Variants in PLCB1 observed in about 807,000 individuals in gnomAD.
PLCB1 encodes the protein 1-phosphatidylinositol 4,5-bisphosphate phosphodiesterase beta-1.
Under a neutral mutation model 161.8 loss-of-function variants are expected in PLCB1, and 46 were observed. That is an observed-to-expected ratio of 0.28 (90% confidence interval 0.22 to 0.36). The LOEUF is 0.36. Among genes scored for constraint, PLCB1 ranks in the 10% least tolerant of loss-of-function variants. PLCB1 has a pLI of 1.00. For missense variants in PLCB1, 1,016 were observed against 1,472.5 expected (o/e 0.69, Z 5.07); for synonymous variants, 517 against 503.7 (o/e 1.03, Z -0.35).
chr20:8,382,258 T>C (rs1266839756), intron 3 of PLCB1, among the ~76,000 whole-genome samples: 1 of 151,644 alleles, frequency 6.6e-6, no homozygotes, highest in Non-Finnish European at 1.5e-5. Flanking sequence ...CATGTAATTG[T>C]GTGGTTTTGA....
chr20:8,179,888 C>T (rs2423346), intron 2 of PLCB1, among the ~76,000 whole-genome samples: 118,280 of 119,042 alleles, frequency 0.99, 58,759 homozygotes, highest in Admixed American at 1. Flanking sequence ...AGACGGAGTC[C>T]CTCTCTGTCG....
intron 3 of PLCB1, among the ~76,000 whole-genome samples, chr20:8,396,906 A>T (rs1422073772): frequency 6.6e-6 from 1 of 152,026 alleles, no homozygotes; most frequent in Admixed American, 6.6e-5. Context: ...ACTACTTACT[A>T]TTTACTTTTG....
At chr20:8,492,785 A>C (rs1982998724) in intron 3 of PLCB1, among the ~76,000 whole-genome samples, 1 of 150,824 alleles carries the variant, frequency 6.6e-6, no homozygotes, top group African/African-American at 2.4e-5. Flanking sequence ...TGATTTAGTT[A>C]TGAACTGGTA....
chr20:8,523,496 C>CTCTCTCTCTCTATATATATATATA, intron 3 of PLCB1, among the ~76,000 whole-genome samples: 20 of 51,634 alleles, frequency 3.9e-4, no homozygotes, highest in Admixed American at 4.8e-4. Context: ...CTCTCTCTCT[C>CTCTCTCTCTCTATATATATATATA]TATATATATA....
At chr20:8,678,271 G>GT (rs1990134313) in intron 9 of PLCB1, among the ~76,000 whole-genome samples, 1 of 152,150 alleles carries the variant, frequency 6.6e-6, no homozygotes, top group Admixed American at 6.5e-5. Context: ...ACTGAACACT[G>GT]TAACTAAATT....
intron 10 of PLCB1, among the ~76,000 whole-genome samples, chr20:8,697,120 G>T (rs1183210116): frequency 6.6e-6 from 1 of 152,132 alleles, no homozygotes. Flanking sequence ...CATGTCAGAG[G>T]CAGCTGACTT....
intron 1 of PLCB1, among the ~76,000 whole-genome samples, chr20:8,136,625 CA>C (rs11404661): frequency 9.8e-4 from 132 of 134,060 alleles, no homozygotes; most frequent in Middle Eastern, 3.9e-3. Context: ...GACTCTGTCT[CA>C]AAAAAAAAAA....
At chr20:8,629,560 T>C (rs941699151) in intron 4 of PLCB1, among the ~76,000 whole-genome samples, 3 of 152,188 alleles carry the variant, frequency 2.0e-5, no homozygotes, top group Non-Finnish European at 4.4e-5. Flanking sequence ...TGATAGTCCT[T>C]CTCCTTCATA....
chr20:8,517,011 A>G (rs1178987630), intron 3 of PLCB1, among the ~76,000 whole-genome samples: 1 of 152,054 alleles, frequency 6.6e-6, no homozygotes, highest in East Asian at 1.9e-4. Flanking sequence ...AGTGAGTTTA[A>G]CCACTGGACA....
chr20:8,880,789 T>C (rs1987942439), intron 31 of PLCB1: 1 of 151,734 alleles, frequency 6.6e-6, no homozygotes, highest in Non-Finnish European at 1.5e-5. Context: ...GAACCTCAGA[T>C]CATTTTATAT....
chr20:8,181,275 A>C (rs2051841363), intron 2 of PLCB1, among the ~76,000 whole-genome samples: 1 of 150,840 alleles, frequency 6.6e-6, no homozygotes, highest in Non-Finnish European at 1.5e-5. Flanking sequence ...AAAAAGAATA[A>C]GAAAAAAAGA....
At chr20:8,330,670 G>A (rs1257102604) in intron 2 of PLCB1, among the ~76,000 whole-genome samples, 1 of 152,206 alleles carries the variant, frequency 6.6e-6, no homozygotes, top group African/African-American at 2.4e-5. Context: ...AAGGGATCCT[G>A]CAAAGTCAGC....
At chr20:8,523,494 C>CCATATA (rs1555766825) in intron 3 of PLCB1, among the ~76,000 whole-genome samples, 1 of 49,584 alleles carries the variant, frequency 2.0e-5, no homozygotes, top group Non-Finnish European at 4.3e-5. Flanking sequence ...CTCTCTCTCT[C>CCATATA]TCTATATATA....
chr20:8,147,523 T>C (rs2051465396), intron 1 of PLCB1, among the ~76,000 whole-genome samples: 1 of 152,176 alleles, frequency 6.6e-6, no homozygotes, highest in Non-Finnish European at 1.5e-5. Flanking sequence ...GTGGCTACTT[T>C]GGTATGGGGA....
At chr20:8,650,215 G>A (rs1478222585) in intron 7 of PLCB1, among the ~76,000 whole-genome samples, 3 of 151,948 alleles carry the variant, frequency 2.0e-5, no homozygotes, top group South Asian at 4.2e-4. Context: ...GTTAGGAGGC[G>A]AGACTCAACT....
At chr20:8,704,058 A>G (rs193067606) in intron 11 of PLCB1, among the ~76,000 whole-genome samples, 1 of 152,334 alleles carries the variant, frequency 6.6e-6, no homozygotes, top group East Asian at 1.9e-4. Context: ...ATCATCAGAA[A>G]AGTTAGCAAA....
At chr20:8,567,396 C>G (rs756469885) in intron 3 of PLCB1, among the ~76,000 whole-genome samples, 1 of 151,994 alleles carries the variant, frequency 6.6e-6, no homozygotes, top group East Asian at 1.9e-4. Context: ...CTAAATTATC[C>G]GGATACCCAA....
intron 31 of PLCB1, chr20:8,792,213 C>A (rs1461454596): frequency 1.1e-5 from 2 of 174,526 alleles, no homozygotes; most frequent in Non-Finnish European, 2.5e-5. Context: ...TGAGAAAAAC[C>A]TTCCTACATC....
chr20:8,790,115 T>G, intron 30 of PLCB1, 60 bp from the exon 31 acceptor site: 1 of 1,204,962 alleles, frequency 8.3e-7, no homozygotes, highest in Non-Finnish European at 1.2e-6. Flanking sequence ...CGGTATTTTC[T>G]GAAAACGTGC....
Sources: allele counts gnomAD v4.1 joint callset (sites outside exome capture counted in the v4.1 genomes callset), GRCh38; gene constraint gnomAD v4.1.1; transcripts MANE v1.5; gene names NCBI Gene and HGNC (gene_info 2026-07-23, HGNC 2026-07-21).